The following RASGRF2 variants were observed in gnomAD, a reference collection of about 807,000 sequenced individuals.
RASGRF2 encodes the protein Ras protein specific guanine nucleotide releasing factor 2, also known as ras-specific guanine nucleotide-releasing factor 2.
A neutral mutation model predicts 151.0 loss-of-function variants in RASGRF2; 76 were observed. That is an observed-to-expected ratio of 0.50 (90% CI 0.42 to 0.61). RASGRF2 has a LOEUF of 0.61. RASGRF2 is among the 20% of genes least tolerant of loss of function. The probability of loss-of-function intolerance (pLI) is 0.00; values close to 1 mark genes in which losing one functional copy is unlikely to be tolerated. For missense variants in RASGRF2, 1,148 were observed against 1,564.6 expected (o/e 0.73, Z 4.49); for synonymous variants, 504 against 566.5 (o/e 0.89, Z 1.57).
At chr5:81,029,007 C>T (rs1371909113) in intron 1 of RASGRF2, among the ~76,000 whole-genome samples, 5 of 152,332 alleles carry the variant, frequency 3.3e-5, no homozygotes, top group South Asian at 4.1e-4. Flanking sequence ...TTATATCCCA[C>T]GCCTGGCTCG....
chr5:81,039,104 G>C (rs1258148316), intron 1 of RASGRF2, among the ~76,000 whole-genome samples: 1 of 151,930 alleles, frequency 6.6e-6, no homozygotes, highest in Admixed American at 6.6e-5. Flanking sequence ...CTTTCTAAAA[G>C]TTTTAAAGTT....
intron 1 of RASGRF2, among the ~76,000 whole-genome samples, chr5:80,990,407 C>T (rs887723045): frequency 1.3e-5 from 2 of 152,076 alleles, no homozygotes; most frequent in African/African-American, 4.8e-5. Flanking sequence ...TTTCCAAATA[C>T]TCTTGTCATC....
chr5:81,116,390 G>A (rs533002009), intron 15 of RASGRF2, among the ~76,000 whole-genome samples: 1 of 152,066 alleles, frequency 6.6e-6, no homozygotes, highest in South Asian at 2.1e-4. Context: ...GCCAGTGAAT[G>A]CCATTTCTGC....
intron 22 of RASGRF2, among the ~76,000 whole-genome samples, chr5:81,209,772 G>C (rs938642854): frequency 6.6e-6 from 1 of 152,176 alleles, no homozygotes; most frequent in African/African-American, 2.4e-5. Context: ...TGTCTCCTCT[G>C]CTGGGACGAC....
At chr5:80,969,123 C>CTTTTTTTTTTTT (rs551407326) in intron 1 of RASGRF2, among the ~76,000 whole-genome samples, 1 of 93,358 alleles carries the variant, frequency 1.1e-5, no homozygotes, top group Non-Finnish European at 2.0e-5. Context: ...GTGCAGGACT[C>CTTTTTTTTTTTT]TTTTTTTTTT....
intron 13 of RASGRF2, among the ~76,000 whole-genome samples, chr5:81,110,545 TTA>T (rs769329591): frequency 6.6e-6 from 1 of 152,226 alleles, no homozygotes; most frequent in African/African-American, 2.4e-5. Context: ...AATAAGCTAA[TTA>T]TAGTCAAAAG....
At chr5:81,043,232 GTGCC>G (rs1750734370) in intron 2 of RASGRF2, among the ~76,000 whole-genome samples, 1 of 152,170 alleles carries the variant, frequency 6.6e-6, no homozygotes, top group African/African-American at 2.4e-5. Context: ...TTCTTCCTAT[GTGCC>G]AAGCACTATT....
chr5:81,204,817 T>C (rs1466194283), intron 19 of RASGRF2, among the ~76,000 whole-genome samples: 1 of 152,084 alleles, frequency 6.6e-6, no homozygotes, highest in Admixed American at 6.5e-5. Flanking sequence ...GGTAACTTAA[T>C]GGCACCAGAG....
chr5:81,163,669 C>T (rs986133957), intron 17 of RASGRF2, among the ~76,000 whole-genome samples: 2 of 152,142 alleles, frequency 1.3e-5, no homozygotes, highest in African/African-American at 4.8e-5. Context: ...ACATCAAGTT[C>T]TGTGCTTAAA....
chr5:81,115,961 G>C (rs1483326839), intron 15 of RASGRF2, among the ~76,000 whole-genome samples: 3 of 150,492 alleles, frequency 2.0e-5, no homozygotes. Flanking sequence ...TCTTTGACAT[G>C]AGCCAAAACA....
At chr5:80,995,731 C>T (rs148085030) in intron 1 of RASGRF2, among the ~76,000 whole-genome samples, 26,174 of 122,704 alleles carry the variant, frequency 0.21, 3,326 homozygotes, top group Middle Eastern at 0.47. Context: ...CTCCGTCTGT[C>T]GCCCAGGCTG....
intron 2 of RASGRF2, among the ~76,000 whole-genome samples, chr5:81,059,468 T>A (rs1461798853): frequency 1.3e-5 from 2 of 151,952 alleles, no homozygotes; most frequent in Non-Finnish European, 2.9e-5. Context: ...CCTGAGACTT[T>A]CTATTGATCT....
At chr5:80,978,714 G>A (rs1454887989) in intron 1 of RASGRF2, among the ~76,000 whole-genome samples, 7 of 152,106 alleles carry the variant, frequency 4.6e-5, no homozygotes, top group Non-Finnish European at 8.8e-5. Context: ...GTGAACCCAG[G>A]AGGCGGAGGC....
chr5:80,960,885 T>G lies in RASGRF2; in HGVS notation c.147T>G (p.Asn49Lys). 1 of 1,612,446 alleles carries G rather than the reference T, an allele frequency of 6.2e-7. No homozygotes were observed. The highest frequency in any genetic ancestry group is 8.5e-7 in the Non-Finnish European group (1 of 1,178,930). ...WHEKWFALYQ[N>K]VLFYFEGEQS... ...AGAAGTGGTTCGCCCTCTACCAGAA[T>G]GTGCTCTTCTACTTCGAGGGCGAGC... The change falls in exon 1 of 27, where the codon AAT becomes AAG. Residue 49 changes from asparagine (N) to lysine (K), a missense_variant. This residue lies in a region of RASGRF2 where 221 missense variants were observed against 271.3 expected (regional missense o/e 0.81). Transcript: ENST00000265080. This position sits in a 1 kb window ranked among gnomAD's most constrained non-coding sequence, Gnocchi z 5.5.
At chr5:80,969,435 G>A (rs1298637164) in intron 1 of RASGRF2, among the ~76,000 whole-genome samples, 1 of 142,792 alleles carries the variant, frequency 7.0e-6, no homozygotes, top group Non-Finnish European at 1.5e-5. Context: ...CGACTGGCCA[G>A]CACTCTTTTT....
At chr5:81,215,993 G>A (rs1222148187) in intron 24 of RASGRF2, 38 bp downstream of exon 24, 3 of 1,440,608 alleles carry the variant, frequency 2.1e-6, no homozygotes. Flanking sequence ...TCATAATTCA[G>A]AAATATATTT....
intron 17 of RASGRF2, among the ~76,000 whole-genome samples, chr5:81,141,118 G>C (rs1753874822): frequency 6.6e-6 from 1 of 152,060 alleles, no homozygotes; most frequent in Admixed American, 6.5e-5. Context: ...GGCCACATTT[G>C]GCTGTGAGCC....
chr5:81,196,075 A>G (rs1307901440), intron 18 of RASGRF2, among the ~76,000 whole-genome samples: 1 of 152,210 alleles, frequency 6.6e-6, no homozygotes, highest in Non-Finnish European at 1.5e-5. Flanking sequence ...CCTGGCCAAC[A>G]TGGCGAAACC....
At chr5:81,090,568 A>G (rs904665594) in intron 9 of RASGRF2, among the ~76,000 whole-genome samples, 4 of 152,138 alleles carry the variant, frequency 2.6e-5, no homozygotes, top group Admixed American at 2.6e-4. Context: ...TAGTGTTGCA[A>G]TTTCTCACTT....
Sources: allele counts gnomAD v4.1 joint callset (sites outside exome capture counted in the v4.1 genomes callset), GRCh38; gene constraint gnomAD v4.1.1; regional missense constraint gnomAD v4.1.1; non-coding constraint Gnocchi (gnomAD v3.1); transcripts MANE v1.5; gene names NCBI Gene and HGNC (gene_info 2026-07-23, HGNC 2026-07-21).